The following WNK1 variants were observed in gnomAD, a reference collection of about 807,000 sequenced individuals.
The protein encoded by WNK1 is serine/threonine-protein kinase WNK1.
In WNK1, 38 loss-of-function variants were observed where a neutral mutation model predicts 222.8. The ratio of observed to expected loss-of-function variants is 0.17; its 90% confidence interval spans 0.13 to 0.22. The LOEUF is 0.22. Among genes scored for constraint, WNK1 ranks in the 10% least tolerant of loss-of-function variants. The pLI, the probability that WNK1 is intolerant of heterozygous loss-of-function variation, is 1.00. For missense variants in WNK1, 2,348 were observed against 2,918.4 expected, an observed-to-expected ratio of 0.80 and a Z score of 4.50; for synonymous variants, 1,090 against 1,092.9, an observed-to-expected ratio of 1.00 and a Z score of 0.05.
rs1286754021 is a variant in WNK1, at chr12:884,091, A to C, written c.3722-30A>C. ...AATATTTATAATAATAATGCTATTA[A>C]GTTACGTTTGTTTGTTTGTTTTTGA... On this transcript the variant is annotated intron_variant, in intron 17 of 27. Coordinates refer to ENST00000315939, the MANE Select transcript of WNK1 (RefSeq NM_018979.4). The surrounding 1 kb of genome is among the most constrained non-coding windows in gnomAD (Gnocchi z 5.6). The C allele has an allele frequency of 2.0e-5, 33 of 1,613,792 alleles. No homozygotes were observed. Among genetic ancestry groups the C allele is most frequent in the Non-Finnish European group, 2.6e-5 (31 of 1,179,818 alleles).
chr12:868,761 A>G (rs751535403), intron 8 of WNK1: 3 of 1,614,058 alleles, frequency 1.9e-6, no homozygotes, highest in African/African-American at 1.3e-5. Flanking sequence ...GTTGGATTAC[A>G]TGGCTACTTG....
rs145691232 is a variant in WNK1 at position 767,397 on chromosome 12, C to T, written c.759+13073C>T. 5.4e-3 allele frequency among the ~76,000 whole-genome samples: 819 copies of T among 151,780 alleles called. 4 individuals are homozygous for T. The highest frequency in any genetic ancestry group is 0.019 in the African/African-American group (778 of 41,374). ...CCTGCTGAGTAGCTGGGATTACAGGCGCGCGCCACCATGCCTGGCTAATTT... is the reference window on the plus strand; with the variant it reads ...CCTGCTGAGTAGCTGGGATTACAGGTGCGCGCCACCATGCCTGGCTAATTT... On this transcript the variant is annotated intron_variant, in intron 1 of 27. Transcript: ENST00000315939.
At chr12:849,001 G>T (rs1324948422) in intron 4 of WNK1, among the ~76,000 whole-genome samples, 1 of 152,094 alleles carries the variant, frequency 6.6e-6, no homozygotes, top group Admixed American at 6.6e-5. Context: ...GGCAGGACAC[G>T]TGGCACTTGT....
chr12:850,659 A>C (rs187166545), intron 4 of WNK1, among the ~76,000 whole-genome samples: 248 of 152,308 alleles, frequency 1.6e-3, no homozygotes, highest in African/African-American at 5.8e-3. Context: ...CTATGTCCTG[A>C]ATGGTACTGC....
intron 1 of WNK1, among the ~76,000 whole-genome samples, chr12:789,523 T>TGGTTATAC (rs544552465): frequency 3.5e-4 from 52 of 149,976 alleles, no homozygotes; most frequent in Middle Eastern, 3.4e-3. Context: ...AGAAACTGTG[T>TGGTTATAC]GGTTATACTC....
At chr12:818,948 T>C (rs1947613727) in intron 2 of WNK1, among the ~76,000 whole-genome samples, 1 of 152,248 alleles carries the variant, frequency 6.6e-6, no homozygotes, top group South Asian at 2.1e-4. Context: ...AAGTATTTTT[T>C]TGAGTACCTG....
intron 22 of WNK1, among the ~76,000 whole-genome samples, chr12:891,675 A>G (rs905195653): frequency 2.0e-5 from 3 of 149,192 alleles, no homozygotes; most frequent in South Asian, 2.1e-4. Flanking sequence ...TTAAGGCATC[A>G]GTTCTTGGAG....
At chr12:779,898 A>T (rs548160495) in intron 1 of WNK1, among the ~76,000 whole-genome samples, 1 of 152,086 alleles carries the variant, frequency 6.6e-6, no homozygotes, top group African/African-American at 2.4e-5. Context: ...TTTTTTGTTT[A>T]CTTCACTGGC....
At chr12:840,413 C>T (rs765969263) in intron 4 of WNK1, among the ~76,000 whole-genome samples, 3 of 150,826 alleles carry the variant, frequency 2.0e-5, no homozygotes, top group Non-Finnish European at 4.4e-5. Flanking sequence ...ATTACATTTA[C>T]GAGTACCATG....
chr12:861,360 G>A lies in WNK1; in HGVS notation c.1951+17G>A. 1.9e-6 allele frequency: 3 copies of A among 1,612,636 alleles called. No individual in the cohort carries two copies. The highest frequency in any genetic ancestry group is 1.3e-5 in the African/African-American group (1 of 75,006). The stretch of plus-strand genomic sequence containing the variant: ...CTGTGTTATGTACGTATCTTGGGAA[G>A]TGGACAGATAGGCTAATGATTCTCC... On this transcript the variant is annotated intron_variant, in intron 7 of 27. Transcript: ENST00000315939.
At position 807,643 on chromosome 12, in the gene WNK1, C is replaced by T. The variant is rs114322886; in HGVS notation, c.760-5999C>T. Reference sequence around the variant, plus strand: ...CAAAAAACTTTGGGAACTGTTTCTTCCCCATTTGCTGCAGAGTAACATTTG... The same window carrying T: ...CAAAAAACTTTGGGAACTGTTTCTTTCCCATTTGCTGCAGAGTAACATTTG... On this transcript the variant is annotated intron_variant, in intron 1 of 27. Transcript: ENST00000315939. Among the ~76,000 whole-genome samples the T allele has an allele frequency of 1.7e-3, 261 of 151,656 alleles. 3 individuals are homozygous for T. The highest frequency in any genetic ancestry group is 5.9e-3 in the African/African-American group (245 of 41,370).
chr12:888,964 G>A (rs765870442), intron 20 of WNK1, among the ~76,000 whole-genome samples, 176 bp from the exon 21 acceptor site: 3 of 152,150 alleles, frequency 2.0e-5, no homozygotes, highest in Non-Finnish European at 4.4e-5. Flanking sequence ...TTGAGAAACT[G>A]GCAAAATAAT....
chr12:777,085 T>G (rs1271981698), intron 1 of WNK1, among the ~76,000 whole-genome samples: 1 of 152,164 alleles, frequency 6.6e-6, no homozygotes, highest in African/African-American at 2.4e-5. Context: ...CAGTGTTAAC[T>G]TTTTAGTTAC....
chr12:896,467 C>A lies in WNK1; in HGVS notation c.5980C>A (p.Pro1994Thr). 1.9e-6 allele frequency: 3 copies of A among 1,613,856 alleles called. No individual in the cohort carries two copies. Among genetic ancestry groups the A allele is most frequent in the Non-Finnish European group, 1.7e-6 (2 of 1,179,976 alleles). The change falls in exon 24 of 28, where the codon CCA becomes ACA. Residue 1994 changes from proline (P) to threonine (T), a missense_variant. By Grantham distance (38) the Pro-to-Thr change is conservative (BLOSUM62 -1). Coordinates refer to ENST00000315939, the MANE Select transcript of WNK1 (RefSeq NM_018979.4). ...LEQAVLPAVIPKKEKPELSEP... is the reference protein window; with the variant it reads ...LEQAVLPAVITKKEKPELSEP... ...ACAAGCTGTTCTTCCTGCTGTGATACCAAAGAAAGAGAAGCCTGAACTGTC... is the reference window on the plus strand; with the variant it reads ...ACAAGCTGTTCTTCCTGCTGTGATAACAAAGAAAGAGAAGCCTGAACTGTC...
At chr12:771,764 T>C (rs1422099485) in intron 1 of WNK1, among the ~76,000 whole-genome samples, 1 of 152,212 alleles carries the variant, frequency 6.6e-6, no homozygotes, top group Non-Finnish European at 1.5e-5. Flanking sequence ...AAAGTTGTAA[T>C]ATATTTGAGA....
intron 1 of WNK1, among the ~76,000 whole-genome samples, chr12:772,439 GTGTATGTATAGGGGTGTGTGTA>G (rs913726625): frequency 1.3e-5 from 2 of 151,970 alleles, no homozygotes; most frequent in Admixed American, 6.6e-5. Flanking sequence ...ATGTGTGTGT[GTGTATGTATAGGGGTGTGTGTA>G]TGTGTATGTA....
intron 19 of WNK1, 59 bp from the exon 20 acceptor site, chr12:887,162 A>C: frequency 7.0e-7 from 1 of 1,437,906 alleles, no homozygotes; most frequent in Admixed American, 1.7e-5. Context: ...TTTGCTCTTC[A>C]GTACGCAGTC....
In WNK1 at chr12:754,351, G is replaced by A. The variant is rs3858703; in HGVS notation, c.759+27G>A. 0.69 allele frequency: 1,109,717 copies of A among 1,612,736 alleles called. 385,897 individuals are homozygous for A. Among genetic ancestry groups the A allele is most frequent in the East Asian group, 0.88 (39,385 of 44,882 alleles). On this transcript the variant is annotated intron_variant, in intron 1 of 27. Coordinates refer to ENST00000315939, the MANE Select transcript of WNK1 (RefSeq NM_018979.4). ...TAAAGCCCCACCTACTTTATTTGAC[G>A]GTCCTTTGGATCCCAAATTTGGCTC... is the stretch of plus-strand genomic sequence containing the variant.
chr12:822,876 C>T (rs1591859258), intron 2 of WNK1, among the ~76,000 whole-genome samples: 1 of 152,150 alleles, frequency 6.6e-6, no homozygotes, highest in African/African-American at 2.4e-5. Context: ...TTTATGGCTT[C>T]AAGTTATTGT....
Sources: gnomAD v4.1 joint callset for allele counts (sites outside exome capture counted in the v4.1 genomes callset) on GRCh38, gnomAD v4.1.1 for gene constraint, Gnocchi (gnomAD v3.1) non-coding constraint, MANE v1.5 for transcripts, NCBI Gene and HGNC (gene_info 2026-07-23, HGNC 2026-07-21) for gene names.